Variants in PDE7B observed in about 807,000 individuals in gnomAD.
PDE7B encodes the protein 3',5'-cyclic-AMP phosphodiesterase 7B.
A neutral mutation model predicts 56.2 loss-of-function variants in PDE7B; 29 were observed. That is an observed-to-expected ratio of 0.52 (90% CI 0.38 to 0.70). PDE7B has a LOEUF of 0.70. Among genes scored for constraint, PDE7B ranks in the 30% least tolerant of loss-of-function variants. The pLI, the probability that PDE7B is intolerant of heterozygous loss-of-function variation, is 0.00. For missense variants in PDE7B, 490 were observed against 565.0 expected (o/e 0.87, Z 1.35); for synonymous variants, 197 against 196.9 (o/e 1.00, Z 0.00).
chr6:135,879,836 C>T (rs542030914), intron 1 of PDE7B, among the ~76,000 whole-genome samples: 8 of 152,122 alleles, frequency 5.3e-5, no homozygotes, highest in Non-Finnish European at 1.2e-4. Flanking sequence ...ATACTAACTC[C>T]ATGTAGAACT....
chr6:136,161,668 T>C (rs906308455), intron 8 of PDE7B, among the ~76,000 whole-genome samples: 9 of 152,202 alleles, frequency 5.9e-5, no homozygotes, highest in African/African-American at 1.9e-4. Context: ...AGGATTTCAC[T>C]ACACAAGATC....
At chr6:135,875,396 T>C (rs1416269559) in intron 1 of PDE7B, among the ~76,000 whole-genome samples, 2 of 152,094 alleles carry the variant, frequency 1.3e-5, no homozygotes, top group African/African-American at 4.8e-5. Context: ...ATTTTTAGCA[T>C]TTTATACTAG....
At chr6:136,022,499 C>CT (rs1776088901) in intron 2 of PDE7B, among the ~76,000 whole-genome samples, 1 of 152,280 alleles carries the variant, frequency 6.6e-6, no homozygotes, top group East Asian at 1.9e-4. Flanking sequence ...AGGACCTCAT[C>CT]TTTTTTCCAT....
chr6:135,909,924 T>A (rs1198986090), intron 1 of PDE7B, among the ~76,000 whole-genome samples: 1 of 152,090 alleles, frequency 6.6e-6, no homozygotes, highest in Non-Finnish European at 1.5e-5. Context: ...AGAGCTCACA[T>A]CTAATTCTCC....
intron 2 of PDE7B, among the ~76,000 whole-genome samples, chr6:135,948,610 A>G (rs552366309): frequency 1.3e-5 from 2 of 152,048 alleles, no homozygotes; most frequent in East Asian, 1.9e-4. Flanking sequence ...TAGCCTTCTA[A>G]TCTTTCTTAA....
At chr6:136,009,239 C>T (rs1426810389) in intron 2 of PDE7B, among the ~76,000 whole-genome samples, 1 of 151,628 alleles carries the variant, frequency 6.6e-6, no homozygotes, top group East Asian at 1.9e-4. Flanking sequence ...TTACTGTAGC[C>T]TTGTAGTATA....
intron 5 of PDE7B, among the ~76,000 whole-genome samples, chr6:136,150,862 T>C (rs999987074): frequency 3.8e-4 from 58 of 152,100 alleles, no homozygotes; most frequent in South Asian, 1.9e-3. Flanking sequence ...CACATGTGTG[T>C]GTGTGTGTAT....
rs187782706 is a variant in PDE7B at position 136,173,444 on chromosome 6, A to G, written c.712-353A>G. Among the ~76,000 whole-genome samples, 4 of 152,340 alleles carry G rather than the reference A, an allele frequency of 2.6e-5. No homozygotes were observed. The East Asian group carries it at 7.7e-4, about 29-fold the overall frequency. On this transcript the variant is annotated intron_variant, in intron 8 of 12. Transcript: ENST00000308191. ...ATAAATGGTGCTGGGAAAACTGGCT[A>G]GCCGTATGTAGAAAGCTGTCACTGC... is the stretch of plus-strand genomic sequence containing the variant.
chr6:135,990,158 C>T (rs1199862701), intron 2 of PDE7B, among the ~76,000 whole-genome samples: 4 of 150,080 alleles, frequency 2.7e-5, no homozygotes, highest in Non-Finnish European at 5.9e-5. Context: ...TGCAATGGCA[C>T]CATCTCGGCT....
intron 2 of PDE7B, among the ~76,000 whole-genome samples, chr6:136,054,622 T>C (rs1408838044): frequency 1.3e-5 from 2 of 152,316 alleles, no homozygotes; most frequent in Middle Eastern, 3.4e-3. Flanking sequence ...GCGGATGGCA[T>C]TGAATCTATA....
At chr6:135,897,045 G>A (rs1357869266) in intron 1 of PDE7B, among the ~76,000 whole-genome samples, 1 of 152,212 alleles carries the variant, frequency 6.6e-6, no homozygotes, top group East Asian at 1.9e-4. Flanking sequence ...AGCACCCTAA[G>A]CCATCTTCAT....
intron 2 of PDE7B, among the ~76,000 whole-genome samples, chr6:135,971,173 T>A (rs527777245): frequency 1.4e-3 from 210 of 152,166 alleles, no homozygotes; most frequent in Non-Finnish European, 2.3e-3. Context: ...ACTGATATCC[T>A]TATAAACAGG....
Position 136,181,847 on chromosome 6 carries a change from G to A in PDE7B, c.1045+524G>A, listed in dbSNP as rs116093323. Among the ~76,000 whole-genome samples, 780 of 152,198 alleles carry A rather than the reference G, an allele frequency of 5.1e-3. 7 individuals are homozygous for A. Among genetic ancestry groups the A allele is most frequent in the African/African-American group, 0.018 (747 of 41,502 alleles). On this transcript the variant is annotated intron_variant, in intron 11 of 12. Coordinates refer to ENST00000308191, the MANE Select transcript of PDE7B (RefSeq NM_018945.4). The stretch of plus-strand genomic sequence containing the variant: ...ATATAGTTTCAACAGTGAGGTAGAA[G>A]GATTTTGCTGTGAAAAGACAAATGG...
At chr6:136,086,813 G>A (rs981727564) in intron 2 of PDE7B, among the ~76,000 whole-genome samples, 1 of 152,206 alleles carries the variant, frequency 6.6e-6, no homozygotes, top group Admixed American at 6.5e-5. Context: ...GCTTGAGAAT[G>A]TCAGTAAGTA....
chr6:136,183,087 A>T (rs1184015527), intron 11 of PDE7B, among the ~76,000 whole-genome samples: 1 of 151,950 alleles, frequency 6.6e-6, no homozygotes, highest in Non-Finnish European at 1.5e-5. Context: ...AAAAAAAAAA[A>T]AAAACCCTTT....
chr6:136,168,879 G>GT (rs894835286), intron 8 of PDE7B, among the ~76,000 whole-genome samples: 4 of 152,118 alleles, frequency 2.6e-5, no homozygotes, highest in Admixed American at 1.3e-4. Context: ...ATCAACCTTA[G>GT]TTTTTTTTGA....
chr6:136,132,424 C>A (rs561669071), intron 3 of PDE7B, among the ~76,000 whole-genome samples: 1 of 152,266 alleles, frequency 6.6e-6, no homozygotes, highest in Non-Finnish European at 1.5e-5. Context: ...AGCAGAGCAT[C>A]ATCTTCAAGG....
At chr6:135,916,395 T>TC (rs1554266519) in intron 1 of PDE7B, among the ~76,000 whole-genome samples, 1 of 138,488 alleles carries the variant, frequency 7.2e-6, no homozygotes, top group African/African-American at 2.7e-5. Flanking sequence ...TTTCTTTCTT[T>TC]TTTTTTTTTT....
Position 135,986,938 on chromosome 6 carries a change from T to C in PDE7B, c.82+39414T>C, listed in dbSNP as rs568442129. Among the ~76,000 whole-genome samples the C allele has an allele frequency of 3.3e-5, 5 of 152,262 alleles. No homozygotes were observed. The South Asian group carries it at 8.3e-4, about 25-fold the overall frequency. ...AAGAAGTGAGAAGGGAAGACCTGAT[T>C]GTTGTTTGTACATTTTTCACCTGCA... On this transcript the variant is annotated intron_variant, in intron 2 of 12. Transcript: ENST00000308191.
Sources: gnomAD v4.1 joint callset for allele counts (sites outside exome capture counted in the v4.1 genomes callset) on GRCh38, gnomAD v4.1.1 for gene constraint, MANE v1.5 for transcripts, NCBI Gene and HGNC (gene_info 2026-07-23, HGNC 2026-07-21) for gene names.